KCNQ3: variants seen among roughly 807,000 people sequenced by gnomAD.
KCNQ3 encodes the protein potassium voltage-gated channel subfamily Q member 3.
KCNQ3 carries 30 observed loss-of-function variants against 92.5 expected under a neutral mutation model. That is an observed-to-expected ratio of 0.32 (90% CI 0.24 to 0.44). KCNQ3 has a LOEUF of 0.44. KCNQ3 is among the 20% of genes least tolerant of loss of function. KCNQ3 has a pLI of 1.00. For missense variants in KCNQ3, 913 were observed against 1,140.3 expected, an observed-to-expected ratio of 0.80 and a Z score of 2.87; for synonymous variants, 450 against 468.8, an observed-to-expected ratio of 0.96 and a Z score of 0.52.
intron 1 of KCNQ3, among the ~76,000 whole-genome samples, chr8:132,351,892 GCTCT>G (rs934164943): frequency 1.1e-4 from 17 of 152,274 alleles, no homozygotes; most frequent in African/African-American, 3.4e-4. Flanking sequence ...AATCGCTTCT[GCTCT>G]CTAAGACTCA....
At chr8:132,480,050 T>A (rs970090365) in intron 1 of KCNQ3, 97 bp downstream of exon 1, 2 of 1,220,522 alleles carry the variant, frequency 1.6e-6, no homozygotes, top group African/African-American at 3.0e-5. Flanking sequence ...AAAGCATCCA[T>A]GGGTCTTAAA....
At chr8:132,154,338 A>T (rs1825742507) in intron 9 of KCNQ3, among the ~76,000 whole-genome samples, 1 of 150,590 alleles carries the variant, frequency 6.6e-6, no homozygotes, top group Non-Finnish European at 1.5e-5. Context: ...TTTTCTAATA[A>T]CTCAGTTTGT....
chr8:132,456,616 A>AT (rs938053987), intron 1 of KCNQ3, among the ~76,000 whole-genome samples: 67 of 149,282 alleles, frequency 4.5e-4, no homozygotes, highest in Admixed American at 8.7e-4. Context: ...TTATTTATTT[A>AT]TTTTTTTTTG....
At chr8:132,313,548 A>G (rs756570252) in intron 1 of KCNQ3, among the ~76,000 whole-genome samples, 5 of 152,234 alleles carry the variant, frequency 3.3e-5, no homozygotes, top group Admixed American at 6.5e-5. Context: ...ATTTGTATCA[A>G]TAAGACATTT....
intron 1 of KCNQ3, among the ~76,000 whole-genome samples, chr8:132,308,606 G>A (rs186562663): frequency 3.0e-4 from 46 of 152,288 alleles, no homozygotes; most frequent in Non-Finnish European, 5.1e-4. Context: ...ATGGCTGCAT[G>A]CGTTTGTTTT....
At position 132,128,950 on chromosome 8, in the gene KCNQ3, G is replaced by C; in HGVS notation, c.*312C>G. On this transcript the variant is annotated 3_prime_UTR_variant, in exon 15 of 15. Coordinates refer to ENST00000388996, the MANE Select transcript of KCNQ3 (RefSeq NM_004519.4). ...AACAGACAAATAGCATGGCTCATCA[G>C]TAATTTCTCCCTGTACTGGTCCAAT... 1 of 340,716 alleles carries C rather than the reference G, an allele frequency of 2.9e-6. No homozygotes were observed. The highest frequency in any genetic ancestry group is 5.4e-6 in the Non-Finnish European group (1 of 184,888). 21.1% of individuals were successfully genotyped at this position (340,716 alleles called of 1,614,324 possible).
At chr8:132,310,008 G>A (rs1211116231) in intron 1 of KCNQ3, among the ~76,000 whole-genome samples, 1 of 152,204 alleles carries the variant, frequency 6.6e-6, no homozygotes, top group Non-Finnish European at 1.5e-5. Flanking sequence ...CAGCATAAGA[G>A]AAGGAGACTT....
intron 1 of KCNQ3, among the ~76,000 whole-genome samples, chr8:132,364,551 T>C (rs1385061476): frequency 6.6e-6 from 1 of 152,138 alleles, no homozygotes; most frequent in Non-Finnish European, 1.5e-5. Context: ...TTTTGTACAT[T>C]CCAGAAGGCA....
intron 8 of KCNQ3, among the ~76,000 whole-genome samples, chr8:132,169,587 G>A (rs1826251439): frequency 6.6e-6 from 1 of 152,168 alleles, no homozygotes; most frequent in South Asian, 2.1e-4. Flanking sequence ...GTGGGTGCAG[G>A]CCATGCCCAG....
intron 3 of KCNQ3, among the ~76,000 whole-genome samples, chr8:132,181,886 C>CA (rs200039049): frequency 0.047 from 7,028 of 150,618 alleles, 247 homozygotes; most frequent in Non-Finnish European, 0.069. Context: ...ACTAAAAATA[C>CA]AAAAAAAAAT....
chr8:132,336,110 C>T (rs140115466), intron 1 of KCNQ3, among the ~76,000 whole-genome samples: 134 of 152,328 alleles, frequency 8.8e-4, no homozygotes, highest in African/African-American at 3.0e-3. Context: ...CCTGAGCTGC[C>T]GTCCTGTTTT....
chr8:132,298,414 G>A lies in KCNQ3; in HGVS notation c.387-112233C>T, dbSNP rs1817112292. On this transcript the variant is annotated intron_variant, in intron 1 of 14. Transcript: ENST00000388996. ...TGGGGGTCCTTAATCAGGGTGTGGG[G>A]ATGGAGGTTGCTGGAGGGGAAGTAT... is the stretch of plus-strand genomic sequence containing the variant. Among the ~76,000 whole-genome samples, 3 of 152,102 alleles carry A rather than the reference G, an allele frequency of 2.0e-5. No homozygotes were observed. The South Asian group carries it at 6.2e-4, about 32-fold the overall frequency.
intron 1 of KCNQ3, among the ~76,000 whole-genome samples, chr8:132,187,861 G>A (rs113534923): frequency 0.39 from 36,642 of 94,546 alleles, 5,389 homozygotes; most frequent in Middle Eastern, 0.47. Flanking sequence ...AGTGATGGTG[G>A]TGGTGGTGGT....
chr8:132,316,857 G>A (rs998942057), intron 1 of KCNQ3, among the ~76,000 whole-genome samples: 1 of 152,096 alleles, frequency 6.6e-6, no homozygotes, highest in Non-Finnish European at 1.5e-5. Flanking sequence ...TATCACTTTT[G>A]GTTTTCAGCA....
At chr8:132,208,788 T>A (rs566601712) in intron 1 of KCNQ3, among the ~76,000 whole-genome samples, 2 of 152,156 alleles carry the variant, frequency 1.3e-5, no homozygotes, top group African/African-American at 4.8e-5. Context: ...AATTGTAAGA[T>A]GTTGGGTGGG....
At chr8:132,357,895 A>G (rs1341395966) in intron 1 of KCNQ3, among the ~76,000 whole-genome samples, 2 of 152,154 alleles carry the variant, frequency 1.3e-5, no homozygotes, top group Non-Finnish European at 2.9e-5. Context: ...GTCCTTCCCT[A>G]AAGGCCTTTG....
At chr8:132,169,789 G>A (rs1164618008) in intron 8 of KCNQ3, among the ~76,000 whole-genome samples, 2 of 152,216 alleles carry the variant, frequency 1.3e-5, no homozygotes, top group Non-Finnish European at 2.9e-5. Context: ...CTGATGCTGC[G>A]GCCCCGGCCC....
intron 1 of KCNQ3, among the ~76,000 whole-genome samples, chr8:132,284,807 G>A (rs1358524826): frequency 6.6e-6 from 1 of 152,178 alleles, no homozygotes; most frequent in African/African-American, 2.4e-5. Flanking sequence ...GGGGTGACTA[G>A]GTCATTAACA....
chr8:132,440,358 C>G (rs1331548638), intron 1 of KCNQ3, among the ~76,000 whole-genome samples: 1 of 152,178 alleles, frequency 6.6e-6, no homozygotes, highest in Admixed American at 6.5e-5. Context: ...CTTCATGGCG[C>G]TGACCAGGTC....
Sources: gnomAD v4.1 joint callset for allele counts (sites outside exome capture counted in the v4.1 genomes callset) on GRCh38, gnomAD v4.1.1 for gene constraint, MANE v1.5 for transcripts, NCBI Gene and HGNC (gene_info 2026-07-23, HGNC 2026-07-21) for gene names.